The following SPECC1 variants were observed in gnomAD, a reference collection of about 807,000 sequenced individuals.
SPECC1 encodes the protein cytospin-B.
A neutral mutation model predicts 104.1 loss-of-function variants in SPECC1; 62 were observed. The ratio of observed to expected loss-of-function variants is 0.60; its 90% CI spans 0.49 to 0.74. The LOEUF (loss-of-function observed/expected upper bound fraction) is 0.74, where lower values mean the gene tolerates loss of function less well. Among genes scored for constraint, SPECC1 ranks in the 30% least tolerant of loss-of-function variants. The pLI, the probability that SPECC1 is intolerant of heterozygous loss-of-function variation, is 0.00. For synonymous variants in SPECC1, 513 were observed against 501.6 expected (o/e 1.02, Z -0.30); for missense variants, 1,306 against 1,310.5 (o/e 1.00, Z 0.05).
chr17:20,066,911 A>T (rs1244576180), intron 1 of SPECC1, among the ~76,000 whole-genome samples: 26 of 120,110 alleles, frequency 2.2e-4, no homozygotes, highest in Admixed American at 1.0e-3. Flanking sequence ...GGCTAATCAA[A>T]TTTTTTTTTT....
intron 7 of SPECC1, among the ~76,000 whole-genome samples, chr17:20,241,734 T>C (rs1030139899): frequency 6.6e-6 from 1 of 152,234 alleles, no homozygotes. Context: ...AATTTGAAAG[T>C]GAAATTTAGA....
intron 1 of SPECC1, among the ~76,000 whole-genome samples, chr17:20,069,939 A>G (rs1329948926): frequency 1.3e-5 from 2 of 152,174 alleles, no homozygotes; most frequent in East Asian, 3.8e-4. Context: ...ATAGCAATAC[A>G]ATTGATTTTT....
At chr17:20,259,383 T>C (rs2039946343) in intron 11 of SPECC1, among the ~76,000 whole-genome samples, 1 of 152,250 alleles carries the variant, frequency 6.6e-6, no homozygotes. Flanking sequence ...ATATTTTACC[T>C]TTTTTAATGA....
intron 1 of SPECC1, among the ~76,000 whole-genome samples, chr17:20,041,100 T>A (rs944214624): frequency 2.0e-5 from 3 of 152,144 alleles, no homozygotes; most frequent in African/African-American, 7.2e-5. Flanking sequence ...CTATTTTCTT[T>A]CTGTTCTTCA....
intron 3 of SPECC1, among the ~76,000 whole-genome samples, chr17:20,137,225 A>G (rs530748315): frequency 1.0e-3 from 159 of 152,306 alleles, no homozygotes; most frequent in African/African-American, 3.6e-3. Context: ...ACACTGGTTT[A>G]TTTAGGAACC....
intron 12 of SPECC1, among the ~76,000 whole-genome samples, chr17:20,266,766 G>C (rs2040233257): frequency 6.6e-6 from 1 of 152,122 alleles, no homozygotes; most frequent in Non-Finnish European, 1.5e-5. Context: ...GGGAAGGAGG[G>C]TTGGGAATGT....
At chr17:20,033,106 G>A (rs1383819753) in intron 1 of SPECC1, among the ~76,000 whole-genome samples, 1 of 151,814 alleles carries the variant, frequency 6.6e-6, no homozygotes, top group Non-Finnish European at 1.5e-5. Context: ...TGGGATTACA[G>A]GCATCCACCA....
chr17:20,146,914 A>C (rs2031521239), intron 3 of SPECC1, among the ~76,000 whole-genome samples: 1 of 152,026 alleles, frequency 6.6e-6, no homozygotes, highest in South Asian at 2.1e-4. Flanking sequence ...CTCAAAAAAC[A>C]AAACAAAACA....
At chr17:20,173,165 A>T (rs867495495) in intron 3 of SPECC1, among the ~76,000 whole-genome samples, 2 of 152,158 alleles carry the variant, frequency 1.3e-5, no homozygotes, top group Non-Finnish European at 2.9e-5. Context: ...TGCACAGTCC[A>T]CTCTGGGAAA....
intron 3 of SPECC1, among the ~76,000 whole-genome samples, chr17:20,138,674 C>A (rs1010875377): frequency 6.6e-6 from 1 of 152,188 alleles, no homozygotes; most frequent in Non-Finnish European, 1.5e-5. Flanking sequence ...ATTTAAGTTT[C>A]CTCCATGTCT....
At chr17:20,271,270 A>G (rs932570861) in intron 12 of SPECC1, among the ~76,000 whole-genome samples, 3 of 151,492 alleles carry the variant, frequency 2.0e-5, no homozygotes, top group African/African-American at 7.3e-5. Context: ...ATCAACTGCT[A>G]TTTCTAGTTT....
chr17:20,245,342 A>G (rs897059356), intron 7 of SPECC1, among the ~76,000 whole-genome samples: 2 of 152,152 alleles, frequency 1.3e-5, no homozygotes, highest in Non-Finnish European at 2.9e-5. Flanking sequence ...GCACCATAGC[A>G]TCTTGTCTCT....
At chr17:20,033,613 G>A (rs1034069373) in intron 1 of SPECC1, among the ~76,000 whole-genome samples, 10 of 152,142 alleles carry the variant, frequency 6.6e-5, no homozygotes, top group East Asian at 1.9e-4. Context: ...GAGAGGAAGC[G>A]AGAGATGGGG....
chr17:20,157,219 A>G (rs2152572894), intron 3 of SPECC1, among the ~76,000 whole-genome samples: 1 of 152,060 alleles, frequency 6.6e-6, no homozygotes, highest in East Asian at 1.9e-4. Flanking sequence ...CAGCCGCCCC[A>G]CCTTGGCCCT....
chr17:20,134,543 AGTT>A (rs1053962600), intron 3 of SPECC1, among the ~76,000 whole-genome samples: 1 of 152,140 alleles, frequency 6.6e-6, no homozygotes, highest in Non-Finnish European at 1.5e-5. Context: ...TCGTACTTCT[AGTT>A]GTTTGCATTA....
intron 13 of SPECC1, among the ~76,000 whole-genome samples, chr17:20,304,117 CAAAAAAAAAAAA>C (rs774130653): frequency 2.0e-4 from 8 of 39,336 alleles, no homozygotes; most frequent in South Asian, 1.7e-3. Flanking sequence ...ACTAAAAATA[CAAAAAAAAAAAA>C]AAAAAAAAAA....
At chr17:20,180,803 T>C (rs535708385) in intron 3 of SPECC1, among the ~76,000 whole-genome samples, 1 of 152,292 alleles carries the variant, frequency 6.6e-6, no homozygotes, top group South Asian at 2.1e-4. Flanking sequence ...AGAAACAACA[T>C]ATGCAACAAA....
chr17:20,044,593 A>C (rs1348549832), intron 1 of SPECC1, among the ~76,000 whole-genome samples: 1 of 152,240 alleles, frequency 6.6e-6, no homozygotes, highest in Non-Finnish European at 1.5e-5. Context: ...AAATGAAAGA[A>C]GATGTATTAT....
intron 3 of SPECC1, among the ~76,000 whole-genome samples, chr17:20,115,563 G>A (rs1243698607): frequency 2.0e-5 from 3 of 152,090 alleles, no homozygotes; most frequent in African/African-American, 7.2e-5. Flanking sequence ...AAGAACAGTA[G>A]TGTACATCAC....
Sources: allele counts gnomAD v4.1 joint callset (sites outside exome capture counted in the v4.1 genomes callset), GRCh38; gene constraint gnomAD v4.1.1; transcripts MANE v1.5; gene names NCBI Gene and HGNC (gene_info 2026-07-23, HGNC 2026-07-21).